GAB3: variants seen among roughly 807,000 people sequenced by gnomAD.
GAB3 encodes the protein GRB2 associated binding protein 3, also known as GRB2-associated-binding protein 3.
In GAB3, 12 loss-of-function variants were observed where a neutral mutation model predicts 40.4. The ratio of observed to expected loss-of-function variants is 0.30; its 90% CI spans 0.19 to 0.48. The LOEUF (loss-of-function observed/expected upper bound fraction) is 0.48. GAB3 is among the 20% of genes least tolerant of loss of function. The probability of loss-of-function intolerance (pLI) is 0.99; values close to 1 mark genes in which losing one functional copy is unlikely to be tolerated. For synonymous variants in GAB3, 154 were observed against 176.7 expected (o/e 0.87, Z 1.02); for missense variants, 381 against 461.9 (o/e 0.82, Z 1.61).
intron 1 of GAB3, among the ~76,000 whole-genome samples, chrX:154,739,114 G>T (rs976304817): frequency 4.8e-4 from 54 of 111,620 alleles, no homozygotes; most frequent in African/African-American, 1.6e-3. Flanking sequence ...TAAAGATAAG[G>T]TTTTGAGGGA....
chrX:154,679,997 C>T (rs1172513957), intron 9 of GAB3, 135 bp downstream of exon 9: 3 of 472,286 alleles, frequency 6.4e-6, no homozygotes, highest in African/African-American at 2.4e-5. Context: ...GGATGAGGGC[C>T]GATTTTAATA....
chrX:154,690,108 C>T (rs1330202437), intron 8 of GAB3, among the ~76,000 whole-genome samples: 6 of 108,380 alleles, frequency 5.5e-5, no homozygotes, highest in South Asian at 4.1e-4. Flanking sequence ...TCAGAAACAA[C>T]GCCGCATATC....
chrX:154,733,985 C>CT (rs1462047225), intron 1 of GAB3, among the ~76,000 whole-genome samples: 1 of 111,295 alleles, frequency 9.0e-6, no homozygotes, highest in Non-Finnish European at 1.9e-5. Context: ...AAGAGTGTAC[C>CT]TTTTTTTTGG....
chrX:154,694,338 A>C (rs985090571), intron 8 of GAB3, among the ~76,000 whole-genome samples: 1 of 111,012 alleles, frequency 9.0e-6, no homozygotes, highest in Non-Finnish European at 1.9e-5. Context: ...TTATAAACCT[A>C]GGTAAACAAA....
At position 154,741,223 on chromosome X, in the gene GAB3, C is replaced by T. The variant is rs782450710; in HGVS notation, c.72+9731G>A. 6.3e-5 allele frequency among the ~76,000 whole-genome samples: 7 copies of T among 111,888 alleles called. No individual in the cohort carries two copies. In the South Asian group the frequency reaches 1.5e-3, roughly 24 times the overall value. On this transcript the variant is annotated intron_variant, in intron 1 of 9. Transcript: ENST00000424127. ...TCCACCATGATTGTGAAGCCTCCGC[C>T]GCCACGTGGAACTTTGAGCCCATTA...
chrX:154,721,743 T>A (rs782531141), intron 1 of GAB3, among the ~76,000 whole-genome samples: 20 of 112,263 alleles, frequency 1.8e-4, no homozygotes, highest in Non-Finnish European at 3.2e-4. Context: ...ATGGCAATTA[T>A]CAAAAAGACA....
intron 8 of GAB3, among the ~76,000 whole-genome samples, chrX:154,687,117 G>A (rs2070463253): frequency 9.1e-6 from 1 of 110,413 alleles, no homozygotes. Context: ...ACTTGAACCC[G>A]AGAAGGGGAG....
At chrX:154,741,157 C>T in intron 1 of GAB3, among the ~76,000 whole-genome samples, 4 of 112,008 alleles carry the variant, frequency 3.6e-5, no homozygotes. Flanking sequence ...TGCACAAGTT[C>T]TTTCTCTTGT....
At chrX:154,750,316 G>C (rs1557262513) in intron 1 of GAB3, among the ~76,000 whole-genome samples, 3 of 112,442 alleles carry the variant, frequency 2.7e-5, no homozygotes, top group Non-Finnish European at 3.8e-5. Context: ...TAGGTAGGAA[G>C]ATTCGCTCTT....
chrX:154,724,850 C>T (rs149621038), intron 1 of GAB3, among the ~76,000 whole-genome samples: 4,692 of 111,596 alleles, frequency 0.042, 250 homozygotes, highest in African/African-American at 0.15. Flanking sequence ...AACAAAGGTG[C>T]GAGTACCTGC....
At chrX:154,708,118 T>G (rs1458388779) in intron 4 of GAB3, among the ~76,000 whole-genome samples, 1 of 112,000 alleles carries the variant, frequency 8.9e-6, no homozygotes, top group East Asian at 2.8e-4. Context: ...GAATACACAA[T>G]GGAGAAAGGA....
At chrX:154,748,268 T>C (rs2148498761) in intron 1 of GAB3, among the ~76,000 whole-genome samples, 1 of 111,599 alleles carries the variant, frequency 9.0e-6, no homozygotes, top group Admixed American at 9.5e-5. Context: ...TGCAGGACCG[T>C]TAGTAGAATA....
At position 154,677,908 on chromosome X, in the gene GAB3, A is replaced by G. The variant is rs782072955; in HGVS notation, c.*270T>C. The G allele has an allele frequency of 1.0e-5, 3 of 298,341 alleles. No individual in the cohort carries two copies. The highest frequency in any genetic ancestry group is 2.2e-4 in the South Asian group (1 of 4,603). 24.6% of individuals were successfully genotyped at this position (298,341 alleles called of 1,213,427 possible). A position where few individuals can be genotyped will look rare whatever the true frequency, so the allele number is the denominator to read the frequency against. On this transcript the variant is annotated 3_prime_UTR_variant, in exon 10 of 10. Coordinates refer to ENST00000424127, the MANE Select transcript of GAB3 (RefSeq NM_001081573.3). ...CCTGTTGGTGGCAACACTCACTCCA[A>G]TCTTTGCTCCAATAGGACAGAGGGG...
intron 4 of GAB3, among the ~76,000 whole-genome samples, chrX:154,710,308 T>C (rs1180263124): frequency 8.9e-6 from 1 of 111,814 alleles, no homozygotes; most frequent in African/African-American, 3.3e-5. Context: ...TATATGTGTG[T>C]CTAGAACCTG....
At chrX:154,704,526 T>G (rs1371824624) in intron 4 of GAB3, among the ~76,000 whole-genome samples, 1 of 110,675 alleles carries the variant, frequency 9.0e-6, no homozygotes, top group Non-Finnish European at 1.9e-5. Context: ...CCACAAAAAT[T>G]AAAAAGAAAT....
At chrX:154,741,017 T>C (rs1557261156) in intron 1 of GAB3, among the ~76,000 whole-genome samples, 1 of 112,100 alleles carries the variant, frequency 8.9e-6, no homozygotes, top group Non-Finnish European at 1.9e-5. Flanking sequence ...TCCTATACTA[T>C]AATTCCCACA....
At chrX:154,706,415 CAAA>C (rs35975601) in intron 4 of GAB3, among the ~76,000 whole-genome samples, 1 of 93,543 alleles carries the variant, frequency 1.1e-5, no homozygotes, top group Non-Finnish European at 2.1e-5. Flanking sequence ...GACTCCATCT[CAAA>C]AAAAAAAAAA....
rs782217148 is a variant in GAB3 at position 154,724,342 on chromosome X, TTAAATAAATAAA to T, written c.73-8025_73-8014del. Among the ~76,000 whole-genome samples, 230 of 104,809 alleles carry T rather than the reference TTAAATAAATAAA, an allele frequency of 2.2e-3. 1 individual carries two copies. Among genetic ancestry groups the T allele is most frequent in the African/African-American group, 5.2e-3 (147 of 28,317 alleles). 91.0% of individuals were successfully genotyped at this position (104,809 alleles called of 115,157 possible). A position where few individuals can be genotyped will look rare whatever the true frequency, so the allele number is the denominator to read the frequency against. On this transcript the variant is annotated intron_variant, in intron 1 of 9. Transcript: ENST00000424127. ...CTGGGCAACAGAGTGAGACTTCATC[TTAAATAAATAAA>T]TAAATAAATAAATAAATAAATAAAT...
Position 154,677,910 on chromosome X carries a change from C to T in GAB3, c.*268G>A, listed in dbSNP as rs1300427455. On this transcript the variant is annotated 3_prime_UTR_variant, in exon 10 of 10. Coordinates refer to ENST00000424127, the MANE Select transcript of GAB3 (RefSeq NM_001081573.3). Reference sequence around the variant, plus strand: ...TGTTGGTGGCAACACTCACTCCAATCTTTGCTCCAATAGGACAGAGGGGAG... The same window carrying T: ...TGTTGGTGGCAACACTCACTCCAATTTTTGCTCCAATAGGACAGAGGGGAG... 1.0e-5 allele frequency: 3 copies of T among 298,397 alleles called. No individual in the cohort carries two copies. The highest frequency in any genetic ancestry group is 1.7e-5 in the Non-Finnish European group (3 of 173,053). 24.6% of individuals were successfully genotyped at this position (298,397 alleles called of 1,213,427 possible).
Sources: allele counts gnomAD v4.1 joint callset (sites outside exome capture counted in the v4.1 genomes callset), GRCh38; gene constraint gnomAD v4.1.1; transcripts MANE v1.5; gene names NCBI Gene and HGNC (gene_info 2026-07-23, HGNC 2026-07-21).